Variants in ZNF138 observed in about 807,000 individuals in gnomAD.
The protein encoded by ZNF138 is zinc finger protein 138, also known as zinc finger protein 138 (clone pHZ-32).
In ZNF138, 33 loss-of-function variants were observed where a neutral mutation model predicts 33.0. The observed-to-expected ratio is 1.00, with a 90% CI of 0.76 to 1.34. The LOEUF (loss-of-function observed/expected upper bound fraction) is 1.34, where lower values mean the gene tolerates loss of function less well. Among genes scored for constraint, ZNF138 ranks in the 40% most tolerant of loss-of-function variants. The pLI is 0.00. For synonymous variants in ZNF138, 139 were observed against 120.4 expected, an observed-to-expected ratio of 1.15 and a Z score of -1.01; for missense variants, 360 against 370.8, an observed-to-expected ratio of 0.97 and a Z score of 0.24.
the ZNF138 span, among the ~76,000 whole-genome samples, chr7:64,859,189 G>C: frequency 6.6e-6 from 1 of 152,230 alleles, no homozygotes; most frequent in African/African-American, 2.4e-5. Flanking sequence ...GCCTCCCAAA[G>C]TGCTGGGATT....
At chr7:64,818,144 C>T (rs1212389115) in intron 3 of ZNF138, among the ~76,000 whole-genome samples, 1 of 151,700 alleles carries the variant, frequency 6.6e-6, no homozygotes. Context: ...CCACCACACC[C>T]AGCTAATTTT....
At chr7:64,836,547 C>T (rs888626164), downstream of ZNF138, 1 of 152,184 alleles carries the variant, frequency 6.6e-6, no homozygotes, top group Non-Finnish European at 1.5e-5. Flanking sequence ...CACCAGAGGC[C>T]CAGCGGGGGT....
At chr7:64,806,403 CCAAT>C (rs1562892187) in intron 1 of ZNF138, among the ~76,000 whole-genome samples, 3 of 152,142 alleles carry the variant, frequency 2.0e-5, no homozygotes, top group Non-Finnish European at 4.4e-5. Flanking sequence ...GCCCAGAAAC[CCAAT>C]CAGAGTAGCA....
chr7:64,808,346 C>T (rs1220927099), intron 1 of ZNF138, among the ~76,000 whole-genome samples: 1 of 152,174 alleles, frequency 6.6e-6, no homozygotes, highest in Non-Finnish European at 1.5e-5. Flanking sequence ...TAATTGCTTG[C>T]ATTTCCTATG....
the ZNF138 span, among the ~76,000 whole-genome samples, chr7:64,851,233 C>A: frequency 6.6e-6 from 1 of 152,110 alleles, no homozygotes; most frequent in African/African-American, 2.4e-5. Context: ...TTTGATCAAC[C>A]CCTCTCTGTT....
intron 3 of ZNF138, among the ~76,000 whole-genome samples, chr7:64,825,203 C>T (rs62456842): frequency 1.8e-5 from 2 of 110,392 alleles, no homozygotes; most frequent in Admixed American, 1.3e-4. Flanking sequence ...GACGGAGTCT[C>T]GCACTGTCGC....
At chr7:64,841,536 A>C in the ZNF138 span, among the ~76,000 whole-genome samples, 1 of 152,244 alleles carries the variant, frequency 6.6e-6, no homozygotes, top group Non-Finnish European at 1.5e-5. Flanking sequence ...TGAAGAAATA[A>C]GATTGATTCT....
At chr7:64,806,140 G>A (rs1246883136) in intron 1 of ZNF138, among the ~76,000 whole-genome samples, 1 of 152,030 alleles carries the variant, frequency 6.6e-6, no homozygotes, top group East Asian at 1.9e-4. Flanking sequence ...AAACATACAG[G>A]GTGCCAACCA....
intron 1 of ZNF138, among the ~76,000 whole-genome samples, chr7:64,804,864 A>C: frequency 6.6e-6 from 1 of 152,220 alleles, no homozygotes; most frequent in Non-Finnish European, 1.5e-5. Flanking sequence ...AGAGCGGCAG[A>C]GATGGAAGAG....
the ZNF138 span, among the ~76,000 whole-genome samples, chr7:64,844,779 C>T: frequency 2.6e-5 from 4 of 152,154 alleles, no homozygotes; most frequent in East Asian, 1.9e-4. Context: ...CTCTGCCTCC[C>T]GGGTTCAAGT....
chr7:64,853,223 A>C, the ZNF138 span: 1 of 1,606,356 alleles, frequency 6.2e-7, no homozygotes, highest in Non-Finnish European at 8.5e-7. Flanking sequence ...GGTTCTGTAA[A>C]GATTCCAGCA....
rs556641911 is a variant in ZNF138 at position 64,832,528 on chromosome 7, A to G, written c.*326A>G. 2.6e-4 allele frequency: 194 copies of G among 738,224 alleles called. 3 individuals carry two copies. The South Asian group carries it at 3.2e-3, about 12-fold the overall frequency. The allele number at this position is 738,224 out of a possible 1,614,324, so 45.7% of individuals were successfully genotyped here. A position where few individuals can be genotyped will look rare whatever the true frequency, so the allele number is the denominator to read the frequency against. On this transcript the variant is annotated 3_prime_UTR_variant, in exon 4 of 4. Transcript: ENST00000307355. ...TGTGGAGAATGCGGAAAAGCCTTTA[A>G]CTGGTCCTCAACTCTTATTACACAT...
chr7:64,848,897 C>T, the ZNF138 span, among the ~76,000 whole-genome samples: 8 of 151,860 alleles, frequency 5.3e-5, no homozygotes, highest in African/African-American at 1.2e-4. Context: ...ATAGAGACAG[C>T]ATTTCCCTAT....
intron 1 of ZNF138, among the ~76,000 whole-genome samples, chr7:64,799,415 T>A (rs1239100339): frequency 1.3e-5 from 2 of 152,092 alleles, no homozygotes; most frequent in African/African-American, 2.4e-5. Flanking sequence ...TGCCCGCCTC[T>A]GCCTCCCAAA....
At chr7:64,810,709 A>G (rs1201039194) in intron 1 of ZNF138, among the ~76,000 whole-genome samples, 2 of 152,158 alleles carry the variant, frequency 1.3e-5, no homozygotes, top group African/African-American at 2.4e-5. Context: ...AGAATTCTAC[A>G]TAGGGTACAC....
chr7:64,828,346 A>AT (rs1176890771), intron 3 of ZNF138, among the ~76,000 whole-genome samples: 6 of 152,008 alleles, frequency 3.9e-5, no homozygotes, highest in Non-Finnish European at 5.9e-5. Context: ...AACAACTACC[A>AT]TTTTTTTCCA....
At chr7:64,827,359 C>T (rs1397656598) in intron 3 of ZNF138, among the ~76,000 whole-genome samples, 2 of 152,018 alleles carry the variant, frequency 1.3e-5, no homozygotes, top group South Asian at 2.1e-4. Flanking sequence ...GCCATTCTGC[C>T]TCAGCCTCCC....
At chr7:64,795,763 T>G (rs1195485024) in intron 1 of ZNF138, among the ~76,000 whole-genome samples, 3 of 152,148 alleles carry the variant, frequency 2.0e-5, no homozygotes, top group African/African-American at 7.2e-5. Flanking sequence ...TTGGAAACTT[T>G]ATAAGGTAAT....
At chr7:64,798,822 A>C (rs1472101528) in intron 1 of ZNF138, among the ~76,000 whole-genome samples, 1 of 149,198 alleles carries the variant, frequency 6.7e-6, no homozygotes, top group Non-Finnish European at 1.5e-5. Flanking sequence ...TGATCTTGTC[A>C]GCTTTTTTGA....
Sources: allele counts gnomAD v4.1 joint callset (sites outside exome capture counted in the v4.1 genomes callset), GRCh38; gene constraint gnomAD v4.1.1; transcripts MANE v1.5; gene names NCBI Gene and HGNC (gene_info 2026-07-23, HGNC 2026-07-21).